PCMTD2: variants seen among roughly 807,000 people sequenced by gnomAD.
The protein encoded by PCMTD2 is protein-L-isoaspartate O-methyltransferase domain-containing protein 2.
In PCMTD2, 16 loss-of-function variants were observed where a neutral mutation model predicts 33.4. The observed-to-expected ratio is 0.48, with a 90% CI of 0.32 to 0.73. PCMTD2 has a LOEUF of 0.73. PCMTD2 is among the 30% of genes least tolerant of loss of function. The pLI is 0.03. For missense variants in PCMTD2, 374 were observed against 449.9 expected (o/e 0.83, Z 1.53); for synonymous variants, 161 against 160.8 (o/e 1.00, Z -0.01).
intron 3 of PCMTD2, 76 bp downstream of exon 3, chr20:64,264,607 A>C: frequency 1.3e-6 from 1 of 760,672 alleles, no homozygotes; most frequent in Non-Finnish European, 2.3e-6. Context: ...ATAGAAAGAA[A>C]TCATGTGGTA....
At chr20:64,266,724 A>G (rs1028176515) in intron 4 of PCMTD2, among the ~76,000 whole-genome samples, 2 of 152,176 alleles carry the variant, frequency 1.3e-5, no homozygotes, top group Admixed American at 6.5e-5. Context: ...GATATTACAG[A>G]TCTTTGTTGC....
At chr20:64,267,384 C>T (rs1245451238) in intron 4 of PCMTD2, among the ~76,000 whole-genome samples, 1 of 152,118 alleles carries the variant, frequency 6.6e-6, no homozygotes, top group Non-Finnish European at 1.5e-5. Context: ...GACAAGTTTG[C>T]ATTTAAAAAA....
rs1986033984 is a variant in PCMTD2, at chr20:64,274,410, CAA to C, written c.*811_*812del. The stretch of plus-strand genomic sequence containing the variant: ...AAACAGATTTTTTCCTGTGTGTAAG[CAA>C]TAAGTGAAGTTACATTTGCCCTAAC... On this transcript the variant is annotated 3_prime_UTR_variant, in exon 6 of 6. Coordinates refer to ENST00000308824, the MANE Select transcript of PCMTD2 (RefSeq NM_018257.3). 2 of 150,838 alleles carry C rather than the reference CAA, an allele frequency of 1.3e-5. No homozygotes were observed. The highest frequency in any genetic ancestry group is 4.9e-5 in the African/African-American group (2 of 40,874). The allele number at this position is 150,838 out of a possible 1,614,324, so 9.3% of individuals were successfully genotyped here.
At chr20:64,269,731 G>C (rs901813355) in intron 5 of PCMTD2, among the ~76,000 whole-genome samples, 1 of 151,644 alleles carries the variant, frequency 6.6e-6, no homozygotes, top group Non-Finnish European at 1.5e-5. Flanking sequence ...GTGAGAGTGC[G>C]GACATGCGCA....
chr20:64,272,085 C>G lies in PCMTD2; in HGVS notation c.707-1136C>G, dbSNP rs1162492139. The G allele has an allele frequency of 3.1e-5, 13 of 420,648 alleles. No homozygotes were observed. In the East Asian group the frequency reaches 7.1e-4, roughly 23 times the overall value. The allele number at this position is 420,648 out of a possible 1,614,324, so 26.1% of individuals were successfully genotyped here. ...GTCCTGGAGAAAGGAGAAGGGACCT[C>G]TTGTCTGTGGAGTCAGAAAAGCAGG... On this transcript the variant is annotated intron_variant, in intron 5 of 5. Transcript: ENST00000308824.
chr20:64,258,940 G>A (rs1014057036), intron 1 of PCMTD2: 6 of 152,174 alleles, frequency 3.9e-5, no homozygotes, highest in South Asian at 2.1e-4. Flanking sequence ...AGACTTCTCC[G>A]CGTGAAAAAG....
intron 1 of PCMTD2, among the ~76,000 whole-genome samples, chr20:64,257,454 C>T (rs1350268181): frequency 6.6e-6 from 1 of 152,180 alleles, no homozygotes; most frequent in East Asian, 1.9e-4. Context: ...GTGCAGCGTT[C>T]TAAAAATGAT....
chr20:64,260,736 T>C (rs1289020582), intron 2 of PCMTD2, among the ~76,000 whole-genome samples: 1 of 146,648 alleles, frequency 6.8e-6, no homozygotes, highest in Non-Finnish European at 1.5e-5. Flanking sequence ...TTGACAGTTG[T>C]GCCCCATCGT....
At position 64,273,481 on chromosome 20, in the gene PCMTD2, G is replaced by C; in HGVS notation, c.967G>C (p.Glu323Gln). 6.2e-7 allele frequency: 1 copy of C among 1,611,756 alleles called. No individual in the cohort carries two copies. The highest frequency in any genetic ancestry group is 8.5e-7 in the Non-Finnish European group (1 of 1,179,266). The change falls in exon 6 of 6, where the codon GAG becomes CAG. Residue 323 changes from glutamate to glutamine, a missense_variant. By Grantham distance (29) the Glu-to-Gln change is conservative. Transcript: ENST00000308824. ...GGAAGAGGAACGGAGGGAAGAAGAA[G>C]AGAAGACCCCGCCGGAAACAAAGCC... is the stretch of plus-strand genomic sequence containing the variant. ...DLEEERREEE[E>Q]KTPPETKPDP... is the part of the protein sequence containing the mutation.
At position 64,275,872 on chromosome 20, in the gene PCMTD2, G is replaced by C. The variant is rs1986077932; in HGVS notation, c.*2272G>C. 6.6e-6 allele frequency: 1 copy of C among 152,176 alleles called. No individual in the cohort carries two copies. Among genetic ancestry groups the C allele is most frequent in the South Asian group, 2.1e-4 (1 of 4,824 alleles). 9.4% of individuals were successfully genotyped at this position (152,176 alleles called of 1,614,324 possible). A position where few individuals can be genotyped will look rare whatever the true frequency, so the allele number is the denominator to read the frequency against. ...GTGCAAAACAAGTTTCAAGTTTATAGATATTAAGTTTGTAATGTGAGCATC... is the reference window on the plus strand; with the variant it reads ...GTGCAAAACAAGTTTCAAGTTTATACATATTAAGTTTGTAATGTGAGCATC... On this transcript the variant is annotated 3_prime_UTR_variant, in exon 6 of 6. Coordinates refer to ENST00000308824, the MANE Select transcript of PCMTD2 (RefSeq NM_018257.3).
chr20:64,267,650 A>G (rs1985713918), intron 4 of PCMTD2, among the ~76,000 whole-genome samples: 1 of 152,220 alleles, frequency 6.6e-6, no homozygotes, highest in South Asian at 2.1e-4. Context: ...TATAATATAT[A>G]GTTTCTGTAA....
In PCMTD2 at chr20:64,264,416, T is replaced by G. The variant is rs1985563651; in HGVS notation, c.308-13T>G. On this transcript the variant is annotated splice_polypyrimidine_tract_variant and intron_variant, in intron 2 of 5. Transcript: ENST00000308824. ...TCTGGTTCTACATGTTTTCTTATTC[T>G]TAAACCTTTTAGGTCCTTTTGGTGT... The G allele has an allele frequency of 7.3e-7, 1 of 1,369,874 alleles. No homozygotes were observed. Among genetic ancestry groups the G allele is most frequent in the South Asian group, 1.2e-5 (1 of 85,848 alleles). 84.9% of individuals were successfully genotyped at this position (1,369,874 alleles called of 1,614,324 possible).
In PCMTD2 at chr20:64,259,067, G is replaced by A. The variant is rs557780730; in HGVS notation, c.-24-875G>A. Among the ~76,000 whole-genome samples, 14 of 152,300 alleles carry A rather than the reference G, an allele frequency of 9.2e-5. No homozygotes were observed. In the South Asian group the frequency reaches 1.0e-3, roughly 11 times the overall value. On this transcript the variant is annotated intron_variant, in intron 1 of 5. Transcript: ENST00000308824. ...TTGGGAGAAGGTAAGACAAGTAGTT[G>A]TTATTTTTAAAGAGCTGGGAAAGCT... is the stretch of plus-strand genomic sequence containing the variant.
At chr20:64,268,150 C>CCTTTCTGACTCTGGT in intron 5 of PCMTD2, 140 bp downstream of exon 5, 1 of 574,096 alleles carries the variant, frequency 1.7e-6, no homozygotes, top group Non-Finnish European at 3.0e-6. Flanking sequence ...ATTCTACAAG[C>CCTTTCTGACTCTGGT]AATTTCAGGC....
rs952855714 is a variant in PCMTD2, at chr20:64,274,678, C to T, written c.*1078C>T. The stretch of plus-strand genomic sequence containing the variant: ...TAGTTTTGTAATTTTTTTGTAAGAC[C>T]AAATGTATGTATTTTAGTAGCTCCA... On this transcript the variant is annotated 3_prime_UTR_variant, in exon 6 of 6. Coordinates refer to ENST00000308824, the MANE Select transcript of PCMTD2 (RefSeq NM_018257.3). 1 of 151,982 alleles carries T rather than the reference C, an allele frequency of 6.6e-6. No individual in the cohort carries two copies. The highest frequency in any genetic ancestry group is 2.4e-5 in the African/African-American group (1 of 41,364). 9.4% of individuals were successfully genotyped at this position (151,982 alleles called of 1,614,324 possible).
chr20:64,269,599 C>CT (rs1289827893), intron 5 of PCMTD2, among the ~76,000 whole-genome samples: 1 of 152,138 alleles, frequency 6.6e-6, no homozygotes, highest in Non-Finnish European at 1.5e-5. Context: ...GTAGAAAACT[C>CT]TGTGAGTGTA....
rs757289024 is a variant in PCMTD2, at chr20:64,267,939, T to C, written c.635T>C (p.Leu212Pro). ...GPSAWETKKI[L>P]AVSFAPLIQP... ...TCAGCTTGGGAAACCAAAAAGATTC[T>C]TGCTGTTTCTTTTGCTCCTCTGATC... is the stretch of plus-strand genomic sequence containing the variant. Residue 212 changes from leucine to proline, a missense_variant, in exon 5 of 6, where the codon CTT becomes CCT. Transcript: ENST00000308824. The C allele has an allele frequency of 2.5e-6, 4 of 1,613,222 alleles. No individual in the cohort carries two copies. In the South Asian group the frequency reaches 4.4e-5, roughly 18 times the overall value.
intron 2 of PCMTD2, among the ~76,000 whole-genome samples, chr20:64,264,033 C>T (rs764347239): frequency 6.6e-6 from 1 of 152,138 alleles, no homozygotes; most frequent in Non-Finnish European, 1.5e-5. Flanking sequence ...GATGATTGAA[C>T]CCTGTTTTGT....
intron 2 of PCMTD2, among the ~76,000 whole-genome samples, chr20:64,263,126 T>G (rs745909319): frequency 1.3e-5 from 2 of 152,102 alleles, no homozygotes; most frequent in Non-Finnish European, 2.9e-5. Context: ...TCAGTGAAAA[T>G]AAGATGAGTG....
Sources: allele counts gnomAD v4.1 joint callset (sites outside exome capture counted in the v4.1 genomes callset), GRCh38; gene constraint gnomAD v4.1.1; transcripts MANE v1.5; gene names NCBI Gene and HGNC (gene_info 2026-07-23, HGNC 2026-07-21).